Variants in WLS observed in about 807,000 individuals in gnomAD.
The protein encoded by WLS is Wnt ligand secretion mediator.
A neutral mutation model predicts 62.8 loss-of-function variants in WLS; 23 were observed. That is an observed-to-expected ratio of 0.37 (90% CI 0.26 to 0.52). WLS has a LOEUF of 0.52. Ranked by LOEUF, WLS falls within the 20% of genes least tolerant of loss-of-function variation. The pLI is 0.92. For synonymous variants in WLS, 246 were observed against 244.1 expected (o/e 1.01, Z -0.07); for missense variants, 615 against 697.3 (o/e 0.88, Z 1.33).
chr1:68,150,981 G>T (rs965673006), intron 5 of WLS, among the ~76,000 whole-genome samples: 2 of 152,178 alleles, frequency 1.3e-5, no homozygotes, highest in Non-Finnish European at 2.9e-5. Context: ...CATGTACCAG[G>T]TATTGTGTTA....
At chr1:68,161,712 G>T in intron 2 of WLS, 4 of 1,370,768 alleles carry the variant, frequency 2.9e-6, no homozygotes, top group Non-Finnish European at 4.1e-6. Flanking sequence ...ACTATCTCTT[G>T]GTCCCAAATG....
At chr1:68,226,389 C>T (rs1650143032) in intron 1 of WLS, among the ~76,000 whole-genome samples, 1 of 152,078 alleles carries the variant, frequency 6.6e-6, no homozygotes, top group Non-Finnish European at 1.5e-5. Flanking sequence ...TACAAAAATA[C>T]CAATTTGCCA....
chr1:68,150,167 G>A, intron 6 of WLS, 21 bp downstream of exon 6: 2 of 1,612,206 alleles, frequency 1.2e-6, no homozygotes, highest in Non-Finnish European at 1.7e-6. Context: ...ACAGACGTCT[G>A]TCCCTCCCGG....
chr1:68,210,553 G>A (rs1218880881), intron 1 of WLS, among the ~76,000 whole-genome samples: 1 of 152,240 alleles, frequency 6.6e-6, no homozygotes. Flanking sequence ...GCAATAGGTC[G>A]CTAAAATAGA....
intron 1 of WLS, among the ~76,000 whole-genome samples, chr1:68,226,509 T>C (rs753026319): frequency 7.9e-5 from 12 of 152,196 alleles, no homozygotes; most frequent in Non-Finnish European, 1.3e-4. Context: ...GAAATATTAA[T>C]ATAATTAGTT....
intron 1 of WLS, among the ~76,000 whole-genome samples, chr1:68,230,588 CGTGTGTGTGTGT>C (rs145944948): frequency 3.4e-5 from 5 of 149,050 alleles, no homozygotes; most frequent in Admixed American, 6.7e-5. Flanking sequence ...TGTGTGCGCG[CGTGTGTGTGTGT>C]GTGTGTGTGT....
chr1:68,229,238 T>C (rs1247785252), intron 1 of WLS, among the ~76,000 whole-genome samples: 60 of 152,308 alleles, frequency 3.9e-4, no homozygotes, highest in Non-Finnish European at 7.3e-5. Context: ...TATTTGTGTG[T>C]GTGGTGTATG....
In WLS at chr1:68,183,461, C is replaced by T. The variant is rs1482373562; in HGVS notation, c.379+10494G>A. 4 of 505,780 alleles carry T rather than the reference C, an allele frequency of 7.9e-6. No individual in the cohort carries two copies. The East Asian group carries it at 2.3e-4, about 29-fold the overall frequency. 31.3% of individuals were successfully genotyped at this position (505,780 alleles called of 1,614,324 possible). ...TCTTATAGTGTATAAAATCCTCTGCCCCATTCAGCTCTCTTTATGGAGCTT... is the reference window on the plus strand; with the variant it reads ...TCTTATAGTGTATAAAATCCTCTGCTCCATTCAGCTCTCTTTATGGAGCTT... On this transcript the variant is annotated intron_variant, in intron 2 of 11. Coordinates refer to ENST00000262348, the MANE Select transcript of WLS (RefSeq NM_024911.7).
intron 11 of WLS, among the ~76,000 whole-genome samples, chr1:68,102,046 A>G (rs1299480998): frequency 1.3e-5 from 2 of 152,202 alleles, no homozygotes; most frequent in Admixed American, 6.5e-5. Flanking sequence ...CTCTGCACAC[A>G]CAGGTGAAGG....
rs572345907 is a variant in WLS, at chr1:68,115,179, A to G, written c.1511-16426T>C. 2.8e-3 allele frequency among the ~76,000 whole-genome samples: 420 copies of G among 152,316 alleles called. 6 individuals carry two copies. The highest frequency in any genetic ancestry group is 9.0e-3 in the African/African-American group (376 of 41,574). On this transcript the variant is annotated intron_variant, in intron 11 of 11. Coordinates refer to the WLS transcript ENST00000354777. ...TCAGGAGGTCCCTCTGGGGCTCCTT[A>G]GGGTTATGGCTGCTCCAGGCTGGCA...
At chr1:68,148,102 G>T (rs1352643962) in intron 8 of WLS, 34 bp downstream of exon 8, 2 of 1,611,720 alleles carry the variant, frequency 1.2e-6, no homozygotes, top group Non-Finnish European at 1.7e-6. Context: ...GCCAGGGGAA[G>T]AAATAAAACC....
At chr1:68,184,823 GTATCTAT>G (rs1313839964) in intron 2 of WLS, among the ~76,000 whole-genome samples, 1 of 152,168 alleles carries the variant, frequency 6.6e-6, no homozygotes, top group Non-Finnish European at 1.5e-5. Flanking sequence ...CTGTTCCCAA[GTATCTAT>G]GAGTCTCTAG....
At chr1:68,147,282 C>T (rs1646764731) in intron 8 of WLS, among the ~76,000 whole-genome samples, 1 of 152,130 alleles carries the variant, frequency 6.6e-6, no homozygotes, top group Non-Finnish European at 1.5e-5. Context: ...TCTTGTTGTG[C>T]AGCTAACATT....
intron 1 of WLS, chr1:68,231,776 C>G (rs1429318255): frequency 1.3e-5 from 6 of 472,114 alleles, no homozygotes; most frequent in Non-Finnish European, 2.5e-5. Flanking sequence ...TTCTGTTGTT[C>G]CTAATAAAGT....
rs74081614 is a variant in WLS at position 68,212,862 on chromosome 1, A to G, written c.107-18635T>C. Among the ~76,000 whole-genome samples, 887 of 152,316 alleles carry G rather than the reference A, an allele frequency of 5.8e-3. 6 individuals carry two copies. The highest frequency in any genetic ancestry group is 0.02 in the African/African-American group (843 of 41,558). On this transcript the variant is annotated intron_variant, in intron 1 of 11. Transcript: ENST00000262348. ...GATTCCCATACTGAGATCTCAACTC[A>G]CTAATTTAACATCCAGTGCTTTATT... is the stretch of plus-strand genomic sequence containing the variant.
chr1:68,105,187 T>C (rs1465685553), intron 11 of WLS, among the ~76,000 whole-genome samples: 1 of 152,260 alleles, frequency 6.6e-6, no homozygotes, highest in Non-Finnish European at 1.5e-5. Context: ...AGTTTTGCTT[T>C]CTTTGATCTG....
chr1:68,222,078 G>A (rs1649964651), intron 1 of WLS, among the ~76,000 whole-genome samples: 2 of 152,172 alleles, frequency 1.3e-5, no homozygotes, highest in Non-Finnish European at 2.9e-5. Flanking sequence ...AATTATGCCT[G>A]CCACAAACAT....
chr1:68,218,801 A>C (rs1487300797), intron 1 of WLS, among the ~76,000 whole-genome samples: 1 of 152,182 alleles, frequency 6.6e-6, no homozygotes, highest in Non-Finnish European at 1.5e-5. Flanking sequence ...CAGATCTATA[A>C]GCTGAAGACA....
chr1:68,191,009 G>A (rs1441641535), intron 2 of WLS, among the ~76,000 whole-genome samples: 1 of 147,578 alleles, frequency 6.8e-6, no homozygotes, highest in Non-Finnish European at 1.5e-5. Context: ...GGTGAGCCAA[G>A]ATCGTACCAT....
Sources: allele counts gnomAD v4.1 joint callset (sites outside exome capture counted in the v4.1 genomes callset), GRCh38; gene constraint gnomAD v4.1.1; transcripts MANE v1.5; gene names NCBI Gene and HGNC (gene_info 2026-07-23, HGNC 2026-07-21).